The following LRRC51 variants were observed in gnomAD, a reference collection of about 807,000 sequenced individuals.
LRRC51 encodes leucine-rich repeat-containing protein 51.
LRRC51 carries 8 observed loss-of-function variants against 17.8 expected under a neutral mutation model. The observed-to-expected ratio is 0.45, with a 90% confidence interval of 0.26 to 0.81. The LOEUF is 0.81. LRRC51 is among the 30% of genes least tolerant of loss of function. The probability of loss-of-function intolerance (pLI) is 0.17; values close to 1 mark genes in which losing one functional copy is unlikely to be tolerated. For synonymous variants in LRRC51, 92 were observed against 96.0 expected (o/e 0.96, Z 0.24); for missense variants, 233 against 239.3 (o/e 0.97, Z 0.17).
chr11:72,081,722 A>G (rs1470479446), intron 1 of LRRC51, among the ~76,000 whole-genome samples: 4 of 151,718 alleles, frequency 2.6e-5, no homozygotes, highest in South Asian at 2.1e-4. Flanking sequence ...CCCCTTCTCA[A>G]TCTGTCCCCA....
chr11:72,096,655 C>A lies in LRRC51; in HGVS notation c.*1135C>A. 6.5e-7 allele frequency: 1 copy of A among 1,535,290 alleles called. No homozygotes were observed. Among genetic ancestry groups the A allele is most frequent in the South Asian group, 1.2e-5 (1 of 80,976 alleles). On this transcript the variant is annotated 3_prime_UTR_variant, in exon 6 of 6. Coordinates refer to ENST00000289488, the MANE Select transcript of LRRC51 (RefSeq NM_145309.6). ...GGGAAATTTATCTAACTCTCTGGGC[C>A]CCTTTGTACTTTTCAGCTTAGAGAT...
intron 5 of LRRC51, 140 bp from the exon 6 acceptor site, chr11:72,095,239 C>T: frequency 6.4e-7 from 1 of 1,569,138 alleles, no homozygotes; most frequent in South Asian, 1.2e-5. Context: ...TCCTTGCTCT[C>T]AGTCAGGATA....
Position 72,094,799 on chromosome 11 carries a change from G to A in LRRC51, c.289-149G>A, listed in dbSNP as rs756879158. ...ATGTCTTAAAACATAAATAAAAGTA[G>A]GTTACAGTCATACAGTATGGCTGTG... On this transcript the variant is annotated intron_variant, in intron 4 of 5. Transcript: ENST00000289488. The A allele has an allele frequency of 4.3e-6, 6 of 1,410,774 alleles. No homozygotes were observed. In the Admixed American group the frequency reaches 1.0e-4, roughly 24 times the overall value. The allele number at this position is 1,410,774 out of a possible 1,614,324, so 87.4% of individuals were successfully genotyped here.
intron 1 of LRRC51, among the ~76,000 whole-genome samples, chr11:72,082,041 G>C (rs978717962): frequency 1.3e-5 from 2 of 152,152 alleles, no homozygotes; most frequent in African/African-American, 4.8e-5. Flanking sequence ...TCAGCCTACT[G>C]CCTCTATAGC....
Position 72,089,515 on chromosome 11 carries a change from C to T in LRRC51, c.82+350C>T, listed in dbSNP as rs1944736622. 3.2e-6 allele frequency: 4 copies of T among 1,252,832 alleles called. No individual in the cohort carries two copies. The African/African-American group carries it at 4.7e-5, about 15-fold the overall frequency. The allele number at this position is 1,252,832 out of a possible 1,614,324, so 77.6% of individuals were successfully genotyped here. A position where few individuals can be genotyped will look rare whatever the true frequency, so the allele number is the denominator to read the frequency against. Reference sequence around the variant, plus strand: ...GTCAAGTGGAAGAAAACTGGGAAGCCAGTCTATCAGCCAATAGTTTTATTC... The same window carrying T: ...GTCAAGTGGAAGAAAACTGGGAAGCTAGTCTATCAGCCAATAGTTTTATTC... On this transcript the variant is annotated intron_variant, in intron 3 of 5. Transcript: ENST00000289488.
intron 3 of LRRC51, among the ~76,000 whole-genome samples, chr11:72,090,949 A>G (rs1251031426): frequency 6.6e-6 from 1 of 152,184 alleles, no homozygotes; most frequent in Non-Finnish European, 1.5e-5. Flanking sequence ...CTGGAGCTAA[A>G]TGCTCCCCAG....
At chr11:72,090,617 G>C (rs1944802575) in intron 3 of LRRC51, among the ~76,000 whole-genome samples, 1 of 152,160 alleles carries the variant, frequency 6.6e-6, no homozygotes, top group Admixed American at 6.5e-5. Flanking sequence ...CTTATTTACA[G>C]CTGGGGTTAA....
At chr11:72,088,569 C>T (rs537437076) in intron 2 of LRRC51, 189 bp downstream of exon 2, 8 of 603,840 alleles carry the variant, frequency 1.3e-5, no homozygotes, top group Admixed American at 5.5e-5. Context: ...CAACCAGATG[C>T]GGTGCAGGCC....
chr11:72,088,566 A>G, intron 2 of LRRC51, 186 bp downstream of exon 2: 1 of 615,930 alleles, frequency 1.6e-6, no homozygotes, highest in South Asian at 1.9e-5. Flanking sequence ...CACCAACCAG[A>G]TGCGGTGCAG....
intron 4 of LRRC51, 59 bp downstream of exon 4, chr11:72,093,760 C>T (rs547416991): frequency 6.9e-7 from 1 of 1,459,132 alleles, no homozygotes; most frequent in East Asian, 2.3e-5. Flanking sequence ...TGTTCAGCCC[C>T]CAACCTCTCC....
At chr11:72,088,229 C>T (rs1944653952) in intron 1 of LRRC51, 68 bp from the exon 2 acceptor site, 8 of 589,266 alleles carry the variant, frequency 1.4e-5, no homozygotes, top group South Asian at 6.5e-5. Flanking sequence ...AAATTGGAAA[C>T]GATCTGATAA....
intron 4 of LRRC51, 141 bp downstream of exon 4, chr11:72,093,842 C>A: frequency 1.2e-6 from 1 of 828,944 alleles, no homozygotes; most frequent in South Asian, 1.4e-5. Flanking sequence ...GGGGGCCAGA[C>A]AGATAGATGT....
chr11:72,093,885 TG>T (rs1300519746), intron 4 of LRRC51, among the ~76,000 whole-genome samples, 184 bp downstream of exon 4: 1 of 152,240 alleles, frequency 6.6e-6, no homozygotes, highest in African/African-American at 2.4e-5. Flanking sequence ...TCTTACTGAC[TG>T]TGACTTTGAG....
intron 1 of LRRC51, among the ~76,000 whole-genome samples, chr11:72,087,206 G>T (rs1317164738): frequency 6.6e-6 from 1 of 150,934 alleles, no homozygotes; most frequent in Admixed American, 6.6e-5. Flanking sequence ...ATGTTAAATT[G>T]CCAAAAAAGG....
At chr11:72,092,534 A>C (rs1489687917) in intron 3 of LRRC51, among the ~76,000 whole-genome samples, 1 of 152,210 alleles carries the variant, frequency 6.6e-6, no homozygotes, top group East Asian at 1.9e-4. Context: ...TTTCTGAAAT[A>C]AAAGATTTGA....
At chr11:72,092,441 G>A (rs932806025) in intron 3 of LRRC51, among the ~76,000 whole-genome samples, 2 of 152,156 alleles carry the variant, frequency 1.3e-5, no homozygotes, top group Non-Finnish European at 2.9e-5. Flanking sequence ...TGTCTTGCTT[G>A]GATGACTCAA....
chr11:72,092,614 C>T (rs1012086455), intron 3 of LRRC51, among the ~76,000 whole-genome samples: 6 of 152,388 alleles, frequency 3.9e-5, no homozygotes, highest in African/African-American at 1.2e-4. Flanking sequence ...CTTAGCCTGA[C>T]ATTTGAGACT....
chr11:72,084,849 A>AAG (rs1555047965), intron 1 of LRRC51, among the ~76,000 whole-genome samples: 1 of 147,086 alleles, frequency 6.8e-6, no homozygotes, highest in African/African-American at 2.6e-5. Context: ...AAAAAAAAAA[A>AAG]AAAAAGAAAA....
chr11:72,081,647 C>G (rs890950185), intron 1 of LRRC51, among the ~76,000 whole-genome samples: 5 of 152,104 alleles, frequency 3.3e-5, no homozygotes, highest in Admixed American at 1.3e-4. Flanking sequence ...TACCCTAATT[C>G]TAGAGATGTA....
Sources: gnomAD v4.1 joint callset for allele counts (sites outside exome capture counted in the v4.1 genomes callset) on GRCh38, gnomAD v4.1.1 for gene constraint, MANE v1.5 for transcripts, NCBI Gene and HGNC (gene_info 2026-07-23, HGNC 2026-07-21) for gene names.